GRHL3: variants seen among roughly 807,000 people sequenced by gnomAD.
GRHL3 encodes grainyhead-like protein 3 homolog.
GRHL3 carries 20 observed loss-of-function variants against 70.3 expected under a neutral mutation model. The observed-to-expected ratio is 0.28, with a 90% confidence interval of 0.20 to 0.41. The LOEUF is 0.41. Ranked by LOEUF, GRHL3 falls within the 10% of genes least tolerant of loss-of-function variation. The pLI is 1.00. For synonymous variants in GRHL3, 299 were observed against 299.9 expected, an observed-to-expected ratio of 1.00 and a Z score of 0.03; for missense variants, 637 against 762.3, an observed-to-expected ratio of 0.84 and a Z score of 1.94.
At chr1:24,327,758 CCTT>C (rs1372880668) in intron 1 of GRHL3, among the ~76,000 whole-genome samples, 3 of 152,198 alleles carry the variant, frequency 2.0e-5, no homozygotes, top group African/African-American at 4.8e-5. Flanking sequence ...AGGACTCACT[CCTT>C]CTTAGAACTC....
At chr1:24,344,005 T>C (rs759477790) in intron 11 of GRHL3, among the ~76,000 whole-genome samples, 1 of 152,188 alleles carries the variant, frequency 6.6e-6, no homozygotes, top group Non-Finnish European at 1.5e-5. Flanking sequence ...TGTGTGAACC[T>C]GTTCTCTCTT....
chr1:24,336,465 C>T lies in GRHL3; in HGVS notation c.267-17C>T, dbSNP rs535828349. On this transcript the variant is annotated splice_polypyrimidine_tract_variant and intron_variant, in intron 3 of 15. Transcript: ENST00000361548. The stretch of plus-strand genomic sequence containing the variant: ...CCCCAGAGAGAAGTACACTCAGCCC[C>T]TTTTCTTTCTCCCCAGGTACTACCA... The T allele has an allele frequency of 4.1e-5, 63 of 1,531,104 alleles. No individual in the cohort carries two copies. Among genetic ancestry groups the T allele is most frequent in the Non-Finnish European group, 5.4e-5 (61 of 1,130,816 alleles). 94.8% of individuals were successfully genotyped at this position (1,531,104 alleles called of 1,614,324 possible).
chr1:24,347,952 G>A (rs1017586572), intron 14 of GRHL3, among the ~76,000 whole-genome samples: 5 of 152,180 alleles, frequency 3.3e-5, no homozygotes, highest in Admixed American at 6.5e-5. Flanking sequence ...TTGGCTGGGG[G>A]CCGCTGGCTG....
Position 24,336,728 on chromosome 1 carries a change from T to C in GRHL3, c.513T>C (p.Tyr171=), listed in dbSNP as rs144050104. Residue 171 remains tyrosine (Y), a synonymous_variant, in exon 4 of 16, where the codon TAT becomes TAC. Coordinates refer to ENST00000361548, the MANE Select transcript of GRHL3 (RefSeq NM_198173.3). ...ACCTGTTACCCACCACTGATATGTA[T>C]GATAATGGCTCCCTCAACTCCTTGT... is the stretch of plus-strand genomic sequence containing the variant. ...DSYLLPTTDM[Y]DNGSLNSLFE... 20 of 1,614,144 alleles carry C rather than the reference T, an allele frequency of 1.2e-5. No homozygotes were observed. In the African/African-American group the frequency reaches 2.1e-4, roughly 17 times the overall value.
intron 8 of GRHL3, among the ~76,000 whole-genome samples, chr1:24,341,580 G>A (rs1640042021): frequency 6.6e-6 from 1 of 152,200 alleles, no homozygotes; most frequent in Non-Finnish European, 1.5e-5. Context: ...TGTGGGGTGG[G>A]ATCAAATCAG....
chr1:24,358,514 G>T, downstream of GRHL3: 1 of 1,584,978 alleles, frequency 6.3e-7, no homozygotes, highest in Non-Finnish European at 8.7e-7. Flanking sequence ...GCTGGTGGCT[G>T]GAGTTCTCCT....
At chr1:24,336,899 A>G in intron 4 of GRHL3, 72 bp downstream of exon 4, 1 of 1,358,870 alleles carries the variant, frequency 7.4e-7, no homozygotes, top group Non-Finnish European at 1.0e-6. Context: ...AAGATAGTGA[A>G]CAGATCAGAG....
In GRHL3 at chr1:24,361,060, G is replaced by A. The variant is rs536585788; in HGVS notation, c.1695-3125G>A. The A allele has an allele frequency of 4.5e-5, 71 of 1,593,460 alleles. 1 individual carries two copies. Among genetic ancestry groups the A allele is most frequent in the South Asian group, 3.6e-4 (32 of 87,796 alleles). Reference sequence around the variant, plus strand: ...GTTTTTCCTTTGGGAAAGATAAAACGGGAAGATGTCACTAAGGCAGTCTAG... The same window carrying A: ...GTTTTTCCTTTGGGAAAGATAAAACAGGAAGATGTCACTAAGGCAGTCTAG... On this transcript the variant is annotated intron_variant, in intron 15 of 15. Coordinates refer to the GRHL3 transcript ENST00000350501.
At chr1:24,362,864 T>C (rs1181093422) in intron 15 of GRHL3, among the ~76,000 whole-genome samples, 2 of 152,232 alleles carry the variant, frequency 1.3e-5, no homozygotes, top group Non-Finnish European at 2.9e-5. Flanking sequence ...AGGGGGGACA[T>C]GCTGCCTCCC....
rs966310294 is a variant in GRHL3, at chr1:24,322,889, A to G, written c.17+3321A>G. ...TCCCAACAAACTAATGCGGGATGGG[A>G]GTGTAAATGCAGTTTTGCCGAAGAG... is the stretch of plus-strand genomic sequence containing the variant. On this transcript the variant is annotated intron_variant, in intron 1 of 15. Coordinates refer to ENST00000361548, the MANE Select transcript of GRHL3 (RefSeq NM_198173.3). This position sits in a 1 kb window ranked among gnomAD's most constrained non-coding sequence, Gnocchi z 4.4. 1.3e-5 allele frequency among the ~76,000 whole-genome samples: 2 copies of G among 152,152 alleles called. No individual in the cohort carries two copies. The highest frequency in any genetic ancestry group is 2.9e-5 in the Non-Finnish European group (2 of 68,032).
chr1:24,320,758 CG>C (rs1639151025), intron 1 of GRHL3, among the ~76,000 whole-genome samples: 1 of 152,096 alleles, frequency 6.6e-6, no homozygotes, highest in South Asian at 2.1e-4. Context: ...ATGAATTTCC[CG>C]GGGTTGACAA....
chr1:24,324,208 AT>A (rs1328530160), intron 1 of GRHL3, among the ~76,000 whole-genome samples: 1 of 152,222 alleles, frequency 6.6e-6, no homozygotes, highest in Non-Finnish European at 1.5e-5. Flanking sequence ...ACAGGGAAGA[AT>A]TTTTAAAATA....
chr1:24,319,678 G>C, intron 1 of GRHL3, 110 bp downstream of exon 1: 1 of 1,606,280 alleles, frequency 6.2e-7, no homozygotes, highest in Admixed American at 1.7e-5. Context: ...AGAGCAATTT[G>C]TAAGGGTAAA....
rs774652387 is a variant in GRHL3 at position 24,347,199 on chromosome 1, A to G, written c.1544-269A>G. ...ACAGCGGACAGAGCCTCCATTTTAC[A>G]TGCAAATAAAATCAGGCTCCGTGAT... On this transcript the variant is annotated intron_variant, in intron 13 of 15. Transcript: ENST00000361548. Among the ~76,000 whole-genome samples, 101 of 152,174 alleles carry G rather than the reference A, an allele frequency of 6.6e-4. 1 individual carries two copies. The highest frequency in any genetic ancestry group is 4.4e-4 in the Non-Finnish European group (30 of 68,038).
At chr1:24,355,882 CTTTCTTTTCA>C (rs1319463000), downstream of GRHL3, among the ~76,000 whole-genome samples, 4 of 139,098 alleles carry the variant, frequency 2.9e-5, no homozygotes, top group African/African-American at 8.1e-5. Context: ...TTCAGGCTTG[CTTTCTTTTCA>C]TTTATCTTTT....
At chr1:24,319,716 G>A in intron 1 of GRHL3, 148 bp downstream of exon 1, 2 of 1,578,506 alleles carry the variant, frequency 1.3e-6, no homozygotes, top group Non-Finnish European at 1.7e-6. Context: ...TTACTTTGGC[G>A]TGTCAAGGCA....
Position 24,336,744 on chromosome 1 carries a change from A to G in GRHL3, c.529A>G (p.Asn177Asp). The change falls in exon 4 of 16, where the codon AAC becomes GAC. Residue 177 changes from asparagine to aspartate, a missense_variant. This residue lies in a region of GRHL3 where 250 missense variants were observed against 248.6 expected (regional missense o/e 1.01). Transcript: ENST00000361548. ...TTDMYDNGSL[N>D]SLFESIHGVP... ...TGATATGTATGATAATGGCTCCCTCAACTCCTTGTTTGAGAGCATTCATGG... is the reference window on the plus strand; with the variant it reads ...TGATATGTATGATAATGGCTCCCTCGACTCCTTGTTTGAGAGCATTCATGG... 1 of 1,614,052 alleles carries G rather than the reference A, an allele frequency of 6.2e-7. No homozygotes were observed. Among genetic ancestry groups the G allele is most frequent in the Non-Finnish European group, 8.5e-7 (1 of 1,180,004 alleles).
Position 24,334,613 on chromosome 1 carries a change from C to T in GRHL3, c.205-32C>T. ...AGGCTCCTACCAGCAGAAGCTTAGC[C>T]ATGCATAAATCCTTCCTTTCTCTCT... On this transcript the variant is annotated intron_variant, in intron 2 of 15. Transcript: ENST00000361548. The surrounding 1 kb of genome is among the most constrained non-coding windows in gnomAD (Gnocchi z 4.3). The T allele has an allele frequency of 2.5e-6, 4 of 1,580,158 alleles. No homozygotes were observed. Among genetic ancestry groups the T allele is most frequent in the Non-Finnish European group, 3.5e-6 (4 of 1,152,828 alleles).
chr1:24,335,763 T>C (rs778568496), intron 3 of GRHL3, among the ~76,000 whole-genome samples: 1 of 152,092 alleles, frequency 6.6e-6, no homozygotes, highest in Non-Finnish European at 1.5e-5. Context: ...TTTGTATTTT[T>C]AGTAGAGATG....
Sources: gnomAD v4.1 joint callset for allele counts (sites outside exome capture counted in the v4.1 genomes callset) on GRCh38, gnomAD v4.1.1 for gene constraint, gnomAD v4.1.1 regional missense constraint, Gnocchi (gnomAD v3.1) non-coding constraint, MANE v1.5 for transcripts, NCBI Gene and HGNC (gene_info 2026-07-23, HGNC 2026-07-21) for gene names.